CHAF1A: variants seen among roughly 807,000 people sequenced by gnomAD.
CHAF1A encodes chromatin assembly factor 1 subunit A.
CHAF1A carries 5 observed loss-of-function variants against 93.2 expected under a neutral mutation model. The ratio of observed to expected loss-of-function variants is 0.05; its 90% confidence interval spans 0.03 to 0.11. CHAF1A has a LOEUF of 0.11. CHAF1A is among the 10% of genes least tolerant of loss of function. CHAF1A has a pLI of 1.00. For missense variants in CHAF1A, 1,102 were observed against 1,259.9 expected, an observed-to-expected ratio of 0.87 and a Z score of 1.90; for synonymous variants, 504 against 510.3, an observed-to-expected ratio of 0.99 and a Z score of 0.17.
intron 1 of CHAF1A, among the ~76,000 whole-genome samples, chr19:4,404,026 G>A (rs1460320116): frequency 6.6e-6 from 1 of 151,480 alleles, no homozygotes; most frequent in African/African-American, 2.4e-5. Context: ...TCACCATGTT[G>A]GGCAGGCTGG....
At chr19:4,441,689 G>A (rs1452546885) in intron 13 of CHAF1A, among the ~76,000 whole-genome samples, 15 of 151,726 alleles carry the variant, frequency 9.9e-5, no homozygotes, top group Admixed American at 7.2e-4. Flanking sequence ...GGCGGATCAC[G>A]AGGTCAGGAG....
At chr19:4,423,975 G>A in intron 7 of CHAF1A, 101 bp downstream of exon 7, 1 of 1,127,802 alleles carries the variant, frequency 8.9e-7, no homozygotes, top group Non-Finnish European at 1.3e-6. Context: ...CTCATTAGGA[G>A]GGAGGGAGCC....
At chr19:4,447,994 C>A, downstream of CHAF1A, 1 of 511,266 alleles carries the variant, frequency 2.0e-6, no homozygotes, top group Non-Finnish European at 3.6e-6. Context: ...TGGCGGGCAG[C>A]GTGGACCTCC....
At chr19:4,446,521 A>G (rs1198780623), downstream of CHAF1A, 26 of 1,610,782 alleles carry the variant, frequency 1.6e-5, no homozygotes, top group Non-Finnish European at 2.1e-5. Flanking sequence ...CTCCCGCTTG[A>G]TCTCCTCTGC....
chr19:4,446,469 C>G (rs757396756), downstream of CHAF1A: 1 of 1,592,040 alleles, frequency 6.3e-7, no homozygotes, highest in Non-Finnish European at 8.5e-7. Context: ...CCCCGCCCCG[C>G]CCCACTCTGC....
At chr19:4,405,601 CTG>C (rs1019218367) in intron 1 of CHAF1A, among the ~76,000 whole-genome samples, 1 of 146,704 alleles carries the variant, frequency 6.8e-6, no homozygotes, top group African/African-American at 2.5e-5. Context: ...GAGTGAGACT[CTG>C]TCTCCAAAAA....
chr19:4,403,662 G>T (rs1346635652), intron 1 of CHAF1A, among the ~76,000 whole-genome samples: 1 of 152,256 alleles, frequency 6.6e-6, no homozygotes, highest in African/African-American at 2.4e-5. Flanking sequence ...CAGGCCAGTA[G>T]CAGCCCCTCT....
In CHAF1A at chr19:4,405,894, T is replaced by G; in HGVS notation, c.53-18T>G. On this transcript the variant is annotated intron_variant, in intron 1 of 14. Coordinates refer to ENST00000301280, the MANE Select transcript of CHAF1A (RefSeq NM_005483.3). The stretch of plus-strand genomic sequence containing the variant: ...TTGCAGAATTTAACAGTTTACCCTT[T>G]GACACTTTTATTTGCAGCCATGGAT... 1 of 1,610,988 alleles carries G rather than the reference T, an allele frequency of 6.2e-7. No individual in the cohort carries two copies. Among genetic ancestry groups the G allele is most frequent in the Non-Finnish European group, 8.5e-7 (1 of 1,177,164 alleles).
Position 4,409,671 on chromosome 19 carries a change from C to A in CHAF1A, c.872C>A (p.Ser291Tyr), listed in dbSNP as rs1441963325. 2.5e-6 allele frequency: 4 copies of A among 1,614,208 alleles called. No homozygotes were observed. Among genetic ancestry groups the A allele is most frequent in the Non-Finnish European group, 2.5e-6 (3 of 1,180,034 alleles). ...VLSHSSLSSP[S>Y]STSSPEGPPA... Reference sequence around the variant, plus strand: ...AGCCATTCGTCCCTGAGCTCTCCCTCTTCCACCAGCTCGCCCGAGGGGCCG... The same window carrying A: ...AGCCATTCGTCCCTGAGCTCTCCCTATTCCACCAGCTCGCCCGAGGGGCCG... The change falls in exon 3 of 15, where the codon TCT becomes TAT. Residue 291 changes from serine (S) to tyrosine (Y), a missense_variant. Coordinates refer to ENST00000301280, the MANE Select transcript of CHAF1A (RefSeq NM_005483.3).
At chr19:4,409,868 G>A (rs1973761065) in intron 3 of CHAF1A, 109 bp downstream of exon 3, 2 of 1,301,356 alleles carry the variant, frequency 1.5e-6, no homozygotes, top group Non-Finnish European at 2.1e-6. Context: ...GCGGGGCCAC[G>A]GGCTGGGTCC....
intron 1 of CHAF1A, 137 bp from the exon 2 acceptor site, chr19:4,405,775 G>A: frequency 1.4e-6 from 1 of 706,246 alleles, no homozygotes. Context: ...AACATCTCTA[G>A]ACTGTGTCAA....
At chr19:4,445,945 C>T (rs767239791), downstream of CHAF1A, 3 of 1,494,556 alleles carry the variant, frequency 2.0e-6, no homozygotes, top group South Asian at 4.0e-5. Context: ...CCCAGGCCCC[C>T]TGCTCTGAGA....
At chr19:4,414,627 T>C (rs1973866290) in intron 3 of CHAF1A, among the ~76,000 whole-genome samples, 1 of 152,158 alleles carries the variant, frequency 6.6e-6, no homozygotes, top group Non-Finnish European at 1.5e-5. Flanking sequence ...TATATTGGGA[T>C]GGAAAGATGG....
chr19:4,425,315 A>G (rs368601967), intron 7 of CHAF1A, among the ~76,000 whole-genome samples: 11 of 152,024 alleles, frequency 7.2e-5, no homozygotes, highest in Non-Finnish European at 1.3e-4. Context: ...CAGTGGCGCT[A>G]TCTCTCGGCT....
At chr19:4,403,716 C>T (rs568319360) in intron 1 of CHAF1A, among the ~76,000 whole-genome samples, 20 of 152,360 alleles carry the variant, frequency 1.3e-4, no homozygotes, top group Admixed American at 1.2e-3. Flanking sequence ...GCCCTGTGTC[C>T]CCTATGGGGC....
chr19:4,430,809 G>C, intron 11 of CHAF1A, 168 bp downstream of exon 11: 1 of 646,134 alleles, frequency 1.5e-6, no homozygotes, highest in South Asian at 1.9e-5. Flanking sequence ...GCCTGAACTT[G>C]GTATTACCTG....
chr19:4,405,007 G>C (rs1366864390), intron 1 of CHAF1A, among the ~76,000 whole-genome samples: 3 of 152,246 alleles, frequency 2.0e-5, no homozygotes, highest in Admixed American at 2.0e-4. Context: ...CAGATTTGGT[G>C]GTGGTATGGG....
chr19:4,402,857 GC>G, intron 1 of CHAF1A, 43 bp downstream of exon 1: 1 of 1,160,822 alleles, frequency 8.6e-7, no homozygotes, highest in Non-Finnish European at 1.1e-6. Context: ...GGCGCGGCGC[GC>G]GGCCTGGACG....
At position 4,402,753 on chromosome 19, in the gene CHAF1A, C is replaced by G. The variant is rs1199095446; in HGVS notation, c.-10C>G. 14 of 1,202,468 alleles carry G rather than the reference C, an allele frequency of 1.2e-5. No homozygotes were observed. The Admixed American group carries it at 1.3e-4, about 11-fold the overall frequency. 74.5% of individuals were successfully genotyped at this position (1,202,468 alleles called of 1,614,324 possible). A position where few individuals can be genotyped will look rare whatever the true frequency, so the allele number is the denominator to read the frequency against. On this transcript the variant is annotated 5_prime_UTR_variant, in exon 1 of 15. Coordinates refer to ENST00000301280, the MANE Select transcript of CHAF1A (RefSeq NM_005483.3). ...GCCGCCTGAGAGGAGGTCGAGCTGC[C>G]GCCGGGGCGATGCTGGAGGAGCTGG... is the stretch of plus-strand genomic sequence containing the variant.
Sources: allele counts gnomAD v4.1 joint callset (sites outside exome capture counted in the v4.1 genomes callset), GRCh38; gene constraint gnomAD v4.1.1; transcripts MANE v1.5; gene names NCBI Gene and HGNC (gene_info 2026-07-23, HGNC 2026-07-21).